Variants in MBOAT2 observed in about 807,000 individuals in gnomAD.
MBOAT2 encodes the protein membrane-bound glycerophospholipid O-acyltransferase 2.
A neutral mutation model predicts 63.4 loss-of-function variants in MBOAT2; 28 were observed. The ratio of observed to expected loss-of-function variants is 0.44; its 90% CI spans 0.33 to 0.61. The LOEUF (loss-of-function observed/expected upper bound fraction) is 0.61. MBOAT2 is among the 20% of genes least tolerant of loss of function. MBOAT2 has a pLI of 0.03. For synonymous variants in MBOAT2, 211 were observed against 215.6 expected, an observed-to-expected ratio of 0.98 and a Z score of 0.19; for missense variants, 470 against 605.8, an observed-to-expected ratio of 0.78 and a Z score of 2.35.
intron 3 of MBOAT2, among the ~76,000 whole-genome samples, chr2:8,915,448 C>T (rs780953936): frequency 5.0e-4 from 76 of 152,128 alleles, no homozygotes; most frequent in Non-Finnish European, 1.0e-3. Context: ...AGGGAGGAAA[C>T]CTGGTTCTTT....
At chr2:8,900,550 G>T (rs1209339573) in intron 4 of MBOAT2, among the ~76,000 whole-genome samples, 1 of 152,148 alleles carries the variant, frequency 6.6e-6, no homozygotes, top group Non-Finnish European at 1.5e-5. Flanking sequence ...CAGCTTGAAG[G>T]AGACATATCC....
At chr2:8,916,611 C>T (rs1031406545) in intron 3 of MBOAT2, among the ~76,000 whole-genome samples, 2 of 152,110 alleles carry the variant, frequency 1.3e-5, no homozygotes, top group Non-Finnish European at 2.9e-5. Flanking sequence ...GGTGATGTCA[C>T]CAAAAGGTTC....
At chr2:8,869,470 T>C (rs1291431580) in intron 8 of MBOAT2, among the ~76,000 whole-genome samples, 3 of 152,122 alleles carry the variant, frequency 2.0e-5, no homozygotes, top group African/African-American at 7.2e-5. Flanking sequence ...AACTGGAAAA[T>C]TGTTCATGCT....
At chr2:8,942,238 A>AGG (rs1214562942) in intron 3 of MBOAT2, among the ~76,000 whole-genome samples, 3 of 152,200 alleles carry the variant, frequency 2.0e-5, no homozygotes, top group East Asian at 1.9e-4. Context: ...GCAAAATAGA[A>AGG]TGAGACTTAG....
intron 1 of MBOAT2, among the ~76,000 whole-genome samples, chr2:8,966,683 T>C (rs1366905810): frequency 6.6e-6 from 1 of 152,178 alleles, no homozygotes; most frequent in Non-Finnish European, 1.5e-5. Flanking sequence ...TACGACATCA[T>C]TACACATCCA....
intron 1 of MBOAT2, among the ~76,000 whole-genome samples, chr2:8,972,617 C>T (rs1363058387): frequency 6.6e-6 from 1 of 152,196 alleles, no homozygotes; most frequent in East Asian, 1.9e-4. Context: ...GCAATCTACT[C>T]ACCTGACAAA....
At chr2:8,977,967 G>A (rs955326528) in intron 1 of MBOAT2, among the ~76,000 whole-genome samples, 2 of 152,140 alleles carry the variant, frequency 1.3e-5, no homozygotes, top group South Asian at 2.1e-4. Flanking sequence ...CCACGGCTGC[G>A]ATGGCTTCTT....
At chr2:8,994,285 T>C (rs1364246906) in intron 1 of MBOAT2, among the ~76,000 whole-genome samples, 1 of 151,870 alleles carries the variant, frequency 6.6e-6, no homozygotes, top group African/African-American at 2.4e-5. Context: ...TAGAATACAG[T>C]GAAAGCGGGG....
chr2:8,962,457 A>G (rs982154354), intron 1 of MBOAT2, among the ~76,000 whole-genome samples: 4 of 152,166 alleles, frequency 2.6e-5, no homozygotes, highest in Non-Finnish European at 1.5e-5. Context: ...GTGAATTGTT[A>G]GCAGAAGTGA....
chr2:8,978,632 G>T (rs1013278461), intron 1 of MBOAT2, among the ~76,000 whole-genome samples: 4 of 152,038 alleles, frequency 2.6e-5, no homozygotes, highest in African/African-American at 4.8e-5. Flanking sequence ...ATAGACACAG[G>T]GAGGGGAAAA....
chr2:8,969,037 C>G (rs549406596), intron 1 of MBOAT2, among the ~76,000 whole-genome samples: 14 of 151,342 alleles, frequency 9.3e-5, no homozygotes, highest in Non-Finnish European at 1.8e-4. Flanking sequence ...AATGCCACTC[C>G]TCGAGAAGTG....
chr2:8,862,251 C>A lies in MBOAT2; in HGVS notation c.1185+339G>T, dbSNP rs528103868. ...CTCAAAGGTTACAGCTTTCAGGAAA[C>A]ATTTCTAAAATAAACCTACCCATTC... On this transcript the variant is annotated intron_variant, in intron 11 of 12. Transcript: ENST00000305997. This position sits in a 1 kb window ranked among gnomAD's most constrained non-coding sequence, Gnocchi z 4.3. 8.7e-6 allele frequency: 11 copies of A among 1,262,476 alleles called. No homozygotes were observed. Among genetic ancestry groups the A allele is most frequent in the Non-Finnish European group, 1.1e-5 (11 of 972,940 alleles). The allele number at this position is 1,262,476 out of a possible 1,614,324, so 78.2% of individuals were successfully genotyped here. A position where few individuals can be genotyped will look rare whatever the true frequency, so the allele number is the denominator to read the frequency against.
At chr2:8,916,540 T>A (rs1666193754) in intron 3 of MBOAT2, among the ~76,000 whole-genome samples, 1 of 152,212 alleles carries the variant, frequency 6.6e-6, no homozygotes, top group Admixed American at 6.5e-5. Flanking sequence ...ACTATGGGAA[T>A]TAATGAACTA....
At chr2:8,921,399 T>C (rs762559324) in intron 3 of MBOAT2, among the ~76,000 whole-genome samples, 1 of 152,206 alleles carries the variant, frequency 6.6e-6, no homozygotes, top group African/African-American at 2.4e-5. Context: ...ATCATATATA[T>C]GGCATCTACA....
chr2:8,923,477 C>T (rs1250209228), intron 3 of MBOAT2, among the ~76,000 whole-genome samples: 2 of 152,194 alleles, frequency 1.3e-5, no homozygotes, highest in African/African-American at 4.8e-5. Flanking sequence ...CATTACAGTT[C>T]TCCAGGCCCC....
chr2:8,924,817 A>G (rs919493474), intron 3 of MBOAT2, among the ~76,000 whole-genome samples: 2 of 152,084 alleles, frequency 1.3e-5, no homozygotes, highest in African/African-American at 4.8e-5. Context: ...TAGCTAAAAT[A>G]CACAAATAAA....
intron 1 of MBOAT2, among the ~76,000 whole-genome samples, chr2:8,973,783 A>G (rs1204394923): frequency 1.3e-5 from 2 of 152,198 alleles, no homozygotes; most frequent in African/African-American, 4.8e-5. Flanking sequence ...TAACATTTTC[A>G]TCTATCAGAT....
intron 5 of MBOAT2, among the ~76,000 whole-genome samples, chr2:8,886,709 T>TG (rs1337882509): frequency 6.6e-6 from 1 of 152,226 alleles, no homozygotes; most frequent in African/African-American, 2.4e-5. Flanking sequence ...TGGGGTTTGT[T>TG]GTTCTTCTGA....
chr2:8,890,584 A>G (rs969715594), intron 4 of MBOAT2, among the ~76,000 whole-genome samples: 4 of 152,110 alleles, frequency 2.6e-5, no homozygotes, highest in African/African-American at 9.7e-5. Context: ...CAGTGGTGCA[A>G]TCTCGGGTGA....
Sources: allele counts gnomAD v4.1 joint callset (sites outside exome capture counted in the v4.1 genomes callset), GRCh38; gene constraint gnomAD v4.1.1; non-coding constraint Gnocchi (gnomAD v3.1); transcripts MANE v1.5; gene names NCBI Gene and HGNC (gene_info 2026-07-23, HGNC 2026-07-21).